The following IRAK1BP1 variants were observed in gnomAD, a reference collection of about 807,000 sequenced individuals.
The protein encoded by IRAK1BP1 is interleukin-1 receptor-associated kinase 1-binding protein 1.
Under a neutral mutation model 28.0 loss-of-function variants are expected in IRAK1BP1, and 24 were observed. That is an observed-to-expected ratio of 0.86 (90% confidence interval 0.62 to 1.20). The LOEUF (loss-of-function observed/expected upper bound fraction) is 1.20, where lower values mean the gene tolerates loss of function less well. IRAK1BP1 is among the 50% of genes most tolerant of loss of function. IRAK1BP1 has a pLI of 0.00. For missense variants in IRAK1BP1, 336 were observed against 316.7 expected (o/e 1.06, Z -0.46); for synonymous variants, 131 against 116.3 (o/e 1.13, Z -0.81).
At chr6:78,894,627 A>G (rs540544206) in intron 2 of IRAK1BP1, among the ~76,000 whole-genome samples, 1 of 152,290 alleles carries the variant, frequency 6.6e-6, no homozygotes, top group East Asian at 1.9e-4. Flanking sequence ...TGTAGATTTC[A>G]ATACCCCCCT....
intron 1 of IRAK1BP1, among the ~76,000 whole-genome samples, chr6:78,874,415 A>G (rs1046404481): frequency 2.0e-5 from 3 of 152,186 alleles, no homozygotes; most frequent in Non-Finnish European, 4.4e-5. Flanking sequence ...CTGCTTTGAA[A>G]TGTTACTGTT....
chr6:78,885,689 T>C (rs1245152209), intron 2 of IRAK1BP1, among the ~76,000 whole-genome samples: 1 of 152,190 alleles, frequency 6.6e-6, no homozygotes. Flanking sequence ...AATACAGTTT[T>C]AGTACTGTCA....
chr6:78,928,686 G>A (rs1283775797), intron 4 of IRAK1BP1, among the ~76,000 whole-genome samples: 1 of 152,112 alleles, frequency 6.6e-6, no homozygotes, highest in East Asian at 1.9e-4. Flanking sequence ...GTTGAGATAT[G>A]TCCCTTCTAT....
downstream of IRAK1BP1, among the ~76,000 whole-genome samples, chr6:78,906,808 A>G (rs1383282926): frequency 6.6e-6 from 1 of 152,254 alleles, no homozygotes; most frequent in South Asian, 2.1e-4. Context: ...AAATGGTAAA[A>G]TGTGCACGTG....
At chr6:78,922,185 A>G (rs570064518) in intron 4 of IRAK1BP1, among the ~76,000 whole-genome samples, 3 of 152,224 alleles carry the variant, frequency 2.0e-5, no homozygotes, top group Non-Finnish European at 4.4e-5. Context: ...AAAAAAGATT[A>G]GATGAATGGC....
intron 1 of IRAK1BP1, among the ~76,000 whole-genome samples, chr6:78,875,778 G>A (rs906206600): frequency 1.3e-5 from 2 of 152,052 alleles, no homozygotes; most frequent in African/African-American, 4.8e-5. Context: ...TCCTACTTGG[G>A]CAACGGGATC....
chr6:78,955,442 A>G, the IRAK1BP1 span, among the ~76,000 whole-genome samples: 1 of 151,670 alleles, frequency 6.6e-6, no homozygotes, highest in Non-Finnish European at 1.5e-5. Context: ...CCATTAAAAA[A>G]TTTTTTTTAA....
At chr6:78,943,532 G>C (rs1773619256) in intron 4 of IRAK1BP1, among the ~76,000 whole-genome samples, 1 of 152,094 alleles carries the variant, frequency 6.6e-6, no homozygotes, top group Non-Finnish European at 1.5e-5. Context: ...AAAGCATTTT[G>C]GTTATTCAAA....
At chr6:78,871,243 C>T in intron 1 of IRAK1BP1, 2 of 984,268 alleles carry the variant, frequency 2.0e-6, no homozygotes, top group Non-Finnish European at 2.4e-6. Context: ...CATAAAATGA[C>T]CTCACAATGT....
rs189507656 is a variant in IRAK1BP1, at chr6:78,878,683, C to T, written c.316-6695C>T. Among the ~76,000 whole-genome samples the T allele has an allele frequency of 7.5e-4, 114 of 152,242 alleles. 1 individual carries two copies. The highest frequency in any genetic ancestry group is 2.3e-3 in the African/African-American group (94 of 41,536). On this transcript the variant is annotated intron_variant, in intron 1 of 3. Transcript: ENST00000369940. Reference sequence around the variant, plus strand: ...TTGAGAGAAGAAGGCTTCAGACGATCGGTAATAACAAACTTCTCCGACCTA... The same window carrying T: ...TTGAGAGAAGAAGGCTTCAGACGATTGGTAATAACAAACTTCTCCGACCTA...
downstream of IRAK1BP1, among the ~76,000 whole-genome samples, chr6:78,949,686 CT>C (rs374657247): frequency 5.3e-4 from 78 of 147,220 alleles, no homozygotes; most frequent in Admixed American, 5.4e-4. Context: ...CTCTTTTTTA[CT>C]TTTTTTTTTT....
chr6:78,944,712 G>A (rs1043538856), intron 4 of IRAK1BP1, among the ~76,000 whole-genome samples: 1 of 152,160 alleles, frequency 6.6e-6, no homozygotes, highest in South Asian at 2.1e-4. Flanking sequence ...CAACAATGAA[G>A]AAATGTCTTA....
intron 1 of IRAK1BP1, among the ~76,000 whole-genome samples, chr6:78,881,801 T>TA (rs1261188250): frequency 1.3e-5 from 2 of 152,076 alleles, no homozygotes; most frequent in Non-Finnish European, 2.9e-5. Context: ...ATACTGGGGT[T>TA]AAACAAATAA....
chr6:78,876,247 G>A (rs952672816), intron 1 of IRAK1BP1, among the ~76,000 whole-genome samples: 9 of 152,132 alleles, frequency 5.9e-5, no homozygotes, highest in African/African-American at 2.2e-4. Flanking sequence ...CATGTAAGAC[G>A]TGCCTTGCTT....
chr6:78,977,476 G>A, the IRAK1BP1 span, among the ~76,000 whole-genome samples: 11 of 152,072 alleles, frequency 7.2e-5, no homozygotes, highest in Admixed American at 6.6e-4. Context: ...GTATACGTAT[G>A]TAACTAACCT....
the IRAK1BP1 span, chr6:78,963,360 GATTTGTAAAT>G: frequency 1.2e-6 from 1 of 801,650 alleles, no homozygotes; most frequent in East Asian, 3.1e-5. Flanking sequence ...ATTTTGTATA[GATTTGTAAAT>G]ATACTCTTTA....
At chr6:78,893,610 A>C (rs1338275441) in intron 2 of IRAK1BP1, among the ~76,000 whole-genome samples, 1 of 152,052 alleles carries the variant, frequency 6.6e-6, no homozygotes, top group African/African-American at 2.4e-5. Context: ...ATTTATATAA[A>C]AGATAACTGA....
chr6:78,904,042 G>A (rs531450906), downstream of IRAK1BP1, among the ~76,000 whole-genome samples: 1 of 152,248 alleles, frequency 6.6e-6, no homozygotes, highest in East Asian at 1.9e-4. Context: ...TGGCTGTGAG[G>A]TATCGTGCTT....
At chr6:78,878,972 G>A (rs959524809) in intron 1 of IRAK1BP1, among the ~76,000 whole-genome samples, 11 of 152,170 alleles carry the variant, frequency 7.2e-5, no homozygotes, top group East Asian at 1.9e-4. Flanking sequence ...AACGAACAAA[G>A]CCTCCAAGAA....
Sources: allele counts gnomAD v4.1 joint callset (sites outside exome capture counted in the v4.1 genomes callset), GRCh38; gene constraint gnomAD v4.1.1; transcripts MANE v1.5; gene names NCBI Gene and HGNC (gene_info 2026-07-23, HGNC 2026-07-21).